The following JAK1 variants were observed in gnomAD, a reference collection of about 807,000 sequenced individuals.
JAK1 encodes Janus kinase 1.
A neutral mutation model predicts 136.6 loss-of-function variants in JAK1; 16 were observed. The ratio of observed to expected loss-of-function variants is 0.12; its 90% CI spans 0.08 to 0.18. JAK1 has a LOEUF of 0.18. Among genes scored for constraint, JAK1 ranks in the 10% least tolerant of loss-of-function variants. The pLI is 1.00. For synonymous variants in JAK1, 492 were observed against 519.5 expected, an observed-to-expected ratio of 0.95 and a Z score of 0.72; for missense variants, 859 against 1,450.1, an observed-to-expected ratio of 0.59 and a Z score of 6.62.
At chr1:64,898,721 G>A (rs368123256) in intron 1 of JAK1, among the ~76,000 whole-genome samples, 23 of 152,324 alleles carry the variant, frequency 1.5e-4, no homozygotes, top group African/African-American at 4.8e-4. Context: ...CTGTCATCCA[G>A]TTAAACAGTC....
Position 64,844,053 on chromosome 1 carries a change from C to A in JAK1, c.2403+11G>T. On this transcript the variant is annotated intron_variant, in intron 17 of 24. Transcript: ENST00000342505. This position sits in a 1 kb window ranked among gnomAD's most constrained non-coding sequence, Gnocchi z 5.7. ...CTCACTTGCCTCACGCCCCGGGAAACACCTGCTCACCTCAATCAGCGTCTT... is the reference window on the plus strand; with the variant it reads ...CTCACTTGCCTCACGCCCCGGGAAAAACCTGCTCACCTCAATCAGCGTCTT... 6.2e-7 allele frequency: 1 copy of A among 1,613,716 alleles called. No individual in the cohort carries two copies. Among genetic ancestry groups the A allele is most frequent in the Non-Finnish European group, 8.5e-7 (1 of 1,179,948 alleles).
intron 8 of JAK1, among the ~76,000 whole-genome samples, chr1:64,861,324 CAG>C (rs1656324804): frequency 6.6e-6 from 1 of 152,008 alleles, no homozygotes; most frequent in Non-Finnish European, 1.5e-5. Context: ...TTGGAGAGAG[CAG>C]AGTGTCTTAC....
chr1:64,968,498 G>C (rs1377415904), upstream of JAK1, among the ~76,000 whole-genome samples: 1 of 152,154 alleles, frequency 6.6e-6, no homozygotes, highest in Non-Finnish European at 1.5e-5. Context: ...GGCAGTAATA[G>C]TATATGCTGG....
intron 2 of JAK1, among the ~76,000 whole-genome samples, chr1:65,006,961 T>C (rs929050183): frequency 3.3e-5 from 5 of 152,204 alleles, no homozygotes; most frequent in Non-Finnish European, 7.3e-5. Context: ...ACAGTTCCTG[T>C]TTGCCCAGTA....
chr1:64,883,339 A>T lies in JAK1; in HGVS notation c.143T>A (p.Leu48His), dbSNP rs779004397. ...VIFYLSDREPLRLGSGEYTAE... is the reference protein window; with the variant it reads ...VIFYLSDREPHRLGSGEYTAE... The stretch of plus-strand genomic sequence containing the variant: ...TGTGTACTCTCCACTGCCCAGCCGG[A>T]GGGGCTCCCTGTCCGACAGATAGAA... Residue 48 changes from leucine (L) to histidine (H), a missense_variant, in exon 3 of 25, where the codon CTC (leucine) becomes CAC (histidine). Physicochemically the swap from Leu to His is moderately conservative, Grantham distance 99 (BLOSUM62 -3). Transcript: ENST00000342505. 6.2e-7 allele frequency: 1 copy of T among 1,614,138 alleles called. No individual in the cohort carries two copies. Among genetic ancestry groups the T allele is most frequent in the Non-Finnish European group, 8.5e-7 (1 of 1,179,996 alleles).
intron 2 of JAK1, among the ~76,000 whole-genome samples, chr1:64,971,891 G>A (rs1646455832): frequency 1.3e-5 from 2 of 152,112 alleles, no homozygotes; most frequent in African/African-American, 4.8e-5. Context: ...GCATTTTACG[G>A]CATGTTATTT....
chr1:65,052,118 A>ATT (rs71056073), intron 1 of JAK1, among the ~76,000 whole-genome samples: 35 of 93,564 alleles, frequency 3.7e-4, no homozygotes, highest in East Asian at 3.4e-3. Context: ...ACGCCTGGCT[A>ATT]TTTTTTTTTT....
chr1:64,999,707 C>T (rs1253542624), intron 2 of JAK1, among the ~76,000 whole-genome samples: 1 of 150,874 alleles, frequency 6.6e-6, no homozygotes, highest in Non-Finnish European at 1.5e-5. Context: ...TGCACTCCAG[C>T]CTGGGCAACA....
At chr1:64,951,010 T>C (rs1167834173) in intron 1 of JAK1, among the ~76,000 whole-genome samples, 4 of 152,220 alleles carry the variant, frequency 2.6e-5, no homozygotes, top group South Asian at 2.1e-4. Context: ...TTTATGATCA[T>C]TGTGTGCTAA....
intron 1 of JAK1, among the ~76,000 whole-genome samples, chr1:64,905,206 C>CAGA: frequency 6.6e-6 from 1 of 152,162 alleles, no homozygotes; most frequent in East Asian, 1.9e-4. Flanking sequence ...GAACAGAGCC[C>CAGA]ACAGTTCAGG....
chr1:64,885,867 T>C (rs1644844699), intron 2 of JAK1, among the ~76,000 whole-genome samples: 1 of 152,078 alleles, frequency 6.6e-6, no homozygotes, highest in Admixed American at 6.5e-5. Context: ...AACATAAAGC[T>C]GCATATGAAT....
In JAK1 at chr1:64,999,012, T is replaced by G. The variant is rs569139302; in HGVS notation, c.-78+45468A>C. ...CATGGTAGTAAATTTGATTCATTTT[T>G]CTGCAGTTTTCATTTCAATACTCAT... is the stretch of plus-strand genomic sequence containing the variant. On this transcript the variant is annotated intron_variant, in intron 2 of 25. Transcript: ENST00000671954. 8.5e-5 allele frequency among the ~76,000 whole-genome samples: 13 copies of G among 152,344 alleles called. 1 individual carries two copies. Among genetic ancestry groups the G allele is most frequent in the Admixed American group, 8.5e-4 (13 of 15,306 alleles).
chr1:64,848,090 G>T (rs1167979723), intron 12 of JAK1: 1 of 161,768 alleles, frequency 6.2e-6, no homozygotes, highest in Non-Finnish European at 1.3e-5. Context: ...ACCCTGTGAA[G>T]AGGCTTGCAA....
intron 1 of JAK1, among the ~76,000 whole-genome samples, chr1:64,934,346 T>C (rs563788762): frequency 6.6e-6 from 1 of 152,288 alleles, no homozygotes; most frequent in South Asian, 2.1e-4. Flanking sequence ...TTGTCACAGC[T>C]CTGAGAAGGG....
intron 1 of JAK1, among the ~76,000 whole-genome samples, chr1:65,064,570 T>C (rs1191119872): frequency 6.6e-6 from 1 of 152,240 alleles, no homozygotes; most frequent in African/African-American, 2.4e-5. Flanking sequence ...AGGGACTGAA[T>C]GGAGACACTG....
At position 64,984,711 on chromosome 1, in the gene JAK1, G is replaced by A. The variant is rs1646581484; in HGVS notation, c.-78+59769C>T. The A allele has an allele frequency of 1.4e-6, 1 of 738,006 alleles. No individual in the cohort carries two copies. The highest frequency in any genetic ancestry group is 2.3e-6 in the Non-Finnish European group (1 of 441,188). 45.7% of individuals were successfully genotyped at this position (738,006 alleles called of 1,614,324 possible). On this transcript the variant is annotated intron_variant, in intron 2 of 25. Coordinates refer to the JAK1 transcript ENST00000671954. This position sits in a 1 kb window ranked among gnomAD's most constrained non-coding sequence, Gnocchi z 4.1. ...GTGTGCCTGCCCCTCAAAGGCCTAT[G>A]TGATATCCTTGAAAGTCCTGTAACA...
rs546644970 is a variant in JAK1, at chr1:65,027,391, C to T, written c.-78+17089G>A. Among the ~76,000 whole-genome samples the T allele has an allele frequency of 1.1e-4, 16 of 152,166 alleles. No individual in the cohort carries two copies. The East Asian group carries it at 2.9e-3, about 28-fold the overall frequency. ...CTTTGATCATCCTTGACATCACTGC[C>T]GACTGCCCTCCTCCAATTCCCTTGG... On this transcript the variant is annotated intron_variant, in intron 2 of 25. Coordinates refer to the JAK1 transcript ENST00000671954.
intron 11 of JAK1, among the ~76,000 whole-genome samples, chr1:64,852,918 G>A (rs1655691782): frequency 1.3e-5 from 2 of 152,160 alleles, no homozygotes; most frequent in South Asian, 4.1e-4. Flanking sequence ...GTATCATCAG[G>A]GTTCTGGAGT....
intron 13 of JAK1, among the ~76,000 whole-genome samples, 172 bp downstream of exon 13, chr1:64,847,360 C>G (rs954704145): frequency 6.6e-6 from 1 of 152,122 alleles, no homozygotes; most frequent in Non-Finnish European, 1.5e-5. Context: ...ACCTCACTTA[C>G]TCTACATGCA....
Sources: allele counts gnomAD v4.1 joint callset (sites outside exome capture counted in the v4.1 genomes callset), GRCh38; gene constraint gnomAD v4.1.1; non-coding constraint Gnocchi (gnomAD v3.1); transcripts MANE v1.5; gene names NCBI Gene and HGNC (gene_info 2026-07-23, HGNC 2026-07-21).